The following TBC1D21 variants were observed in gnomAD, a reference collection of about 807,000 sequenced individuals.
TBC1D21 encodes the protein male germ cell Rab GTPase-activating protein.
In TBC1D21, 38 loss-of-function variants were observed where a neutral mutation model predicts 46.0. The ratio of observed to expected loss-of-function variants is 0.83; its 90% CI spans 0.64 to 1.08. TBC1D21 has a LOEUF of 1.08. Among genes scored for constraint, TBC1D21 ranks in the 50% least tolerant of loss-of-function variants. The probability of loss-of-function intolerance (pLI) is 0.00; values close to 1 mark genes in which losing one functional copy is unlikely to be tolerated. For missense variants in TBC1D21, 415 were observed against 417.9 expected, an observed-to-expected ratio of 0.99 and a Z score of 0.06; for synonymous variants, 151 against 157.2, an observed-to-expected ratio of 0.96 and a Z score of 0.29.
At chr15:73,874,371 T>A (rs2068021783) in intron 1 of TBC1D21, among the ~76,000 whole-genome samples, 1 of 152,248 alleles carries the variant, frequency 6.6e-6, no homozygotes, top group African/African-American at 2.4e-5. Context: ...TAAATTTTCT[T>A]TATATCTTTC....
At chr15:73,895,928 C>T in the TBC1D21 span, among the ~76,000 whole-genome samples, 1 of 152,110 alleles carries the variant, frequency 6.6e-6, no homozygotes, top group East Asian at 1.9e-4. Context: ...CAATGCTAGG[C>T]ACTGAACTTT....
At chr15:73,909,345 T>C in the TBC1D21 span, among the ~76,000 whole-genome samples, 1 of 150,240 alleles carries the variant, frequency 6.7e-6, no homozygotes, top group African/African-American at 2.4e-5. Flanking sequence ...CACTCCAGCC[T>C]GGGCGACACA....
At chr15:73,888,367 C>G in intron 9 of TBC1D21, 63 bp from the exon 10 acceptor site, 1 of 1,424,676 alleles carries the variant, frequency 7.0e-7, no homozygotes, top group Middle Eastern at 1.8e-4. Context: ...CTGCATGTGC[C>G]CAAGAGTGCT....
chr15:73,876,226 T>TG (rs1567062396), intron 1 of TBC1D21, among the ~76,000 whole-genome samples: 552 of 33,638 alleles, frequency 0.016, 92 homozygotes, highest in East Asian at 0.16. Context: ...TTTTTTTTTT[T>TG]TTTTTTTTTT....
In TBC1D21 at chr15:73,876,225, T is replaced by G. The variant is rs1385130795; in HGVS notation, c.60+2456T>G. Among the ~76,000 whole-genome samples, 258 of 58,974 alleles carry G rather than the reference T, an allele frequency of 4.4e-3. 11 individuals are homozygous for G. The highest frequency in any genetic ancestry group is 0.012 in the African/African-American group (145 of 12,474). 38.7% of individuals were successfully genotyped at this position (58,974 alleles called of 152,430 possible). On this transcript the variant is annotated intron_variant, in intron 1 of 10. Transcript: ENST00000300504. ...TTTTTTTTTTTTTTTTTTTTTTTTT[T>G]TTTTTTTTTTTTTTTTTTTTGAGAC...
intron 9 of TBC1D21, 45 bp from the exon 10 acceptor site, chr15:73,888,385 G>A (rs529119873): frequency 1.9e-6 from 3 of 1,539,306 alleles, no homozygotes; most frequent in South Asian, 1.1e-5. Flanking sequence ...GCTGGGAGAT[G>A]TTTGCCCCAG....
chr15:73,900,242 G>T, the TBC1D21 span, among the ~76,000 whole-genome samples: 1 of 152,188 alleles, frequency 6.6e-6, no homozygotes, highest in Non-Finnish European at 1.5e-5. Context: ...AATGAAACAA[G>T]ACAGGCCCCT....
At chr15:73,888,203 C>T (rs1395615271) in intron 9 of TBC1D21, among the ~76,000 whole-genome samples, 1 of 152,186 alleles carries the variant, frequency 6.6e-6, no homozygotes, top group Non-Finnish European at 1.5e-5. Context: ...TTGGTGGAGC[C>T]CCAGGACTCC....
the TBC1D21 span, among the ~76,000 whole-genome samples, chr15:73,907,411 G>A: frequency 4.9e-4 from 75 of 152,296 alleles, no homozygotes; most frequent in Admixed American, 3.5e-3. Flanking sequence ...AGTGTGAAAC[G>A]GGCATAGACT....
At chr15:73,881,327 A>G (rs7496005) in intron 1 of TBC1D21, 72 bp from the exon 2 acceptor site, 383,093 of 1,136,086 alleles carry the variant, frequency 0.34, 68,507 homozygotes, top group East Asian at 0.69. Context: ...AGTCCAGAAC[A>G]TATTATTTAA....
At chr15:73,876,503 A>G (rs2068071761) in intron 1 of TBC1D21, among the ~76,000 whole-genome samples, 1 of 148,590 alleles carries the variant, frequency 6.7e-6, no homozygotes, top group African/African-American at 2.5e-5. Flanking sequence ...TCGGCCTCCC[A>G]AAGTGCTGGG....
the TBC1D21 span, among the ~76,000 whole-genome samples, chr15:73,903,907 G>A: frequency 6.6e-6 from 1 of 152,222 alleles, no homozygotes; most frequent in Admixed American, 6.5e-5. Context: ...AGTTAGCTGG[G>A]TGTGGTGGTG....
At chr15:73,880,796 T>C (rs1055679890) in intron 1 of TBC1D21, among the ~76,000 whole-genome samples, 1 of 152,152 alleles carries the variant, frequency 6.6e-6, no homozygotes, top group East Asian at 1.9e-4. Flanking sequence ...AGAAAAAGGA[T>C]AAAAAGTACT....
At chr15:73,890,502 A>G (rs2068328109), downstream of TBC1D21, among the ~76,000 whole-genome samples, 2 of 152,242 alleles carry the variant, frequency 1.3e-5, no homozygotes, top group African/African-American at 2.4e-5. Context: ...GTGTTCCCGC[A>G]TGAAAGACAG....
intron 1 of TBC1D21, 55 bp from the exon 2 acceptor site, chr15:73,881,344 A>G (rs1033984391): frequency 2.0e-4 from 272 of 1,339,824 alleles, no homozygotes; most frequent in Admixed American, 1.3e-3. Flanking sequence ...TTAAAATCAC[A>G]CTTAAAAGCC....
At chr15:73,898,880 A>AAT in the TBC1D21 span, among the ~76,000 whole-genome samples, 157 of 56,718 alleles carry the variant, frequency 2.8e-3, 5 homozygotes, top group Middle Eastern at 0.02. Context: ...AAAAAAAAAA[A>AAT]ATATATATAT....
chr15:73,893,474 C>T (rs978115217), downstream of TBC1D21, among the ~76,000 whole-genome samples: 1 of 152,214 alleles, frequency 6.6e-6, no homozygotes. Flanking sequence ...ACCCTCACCT[C>T]TCTTTCACTC....
At chr15:73,873,929 G>A (rs948874733) in intron 1 of TBC1D21, among the ~76,000 whole-genome samples, 160 bp downstream of exon 1, 18 of 152,180 alleles carry the variant, frequency 1.2e-4, no homozygotes, top group African/African-American at 4.3e-4. Flanking sequence ...CCCAAGGACA[G>A]GACTGAGACA....
At chr15:73,880,892 C>A (rs1453125485) in intron 1 of TBC1D21, among the ~76,000 whole-genome samples, 3 of 152,072 alleles carry the variant, frequency 2.0e-5, no homozygotes, top group Non-Finnish European at 4.4e-5. Context: ...TTTCTAACAA[C>A]TTTATAGTAG....
Sources: allele counts gnomAD v4.1 joint callset (sites outside exome capture counted in the v4.1 genomes callset), GRCh38; gene constraint gnomAD v4.1.1; transcripts MANE v1.5; gene names NCBI Gene and HGNC (gene_info 2026-07-23, HGNC 2026-07-21).